Variants in PTPRT observed in about 807,000 individuals in gnomAD.
PTPRT encodes the protein receptor-type tyrosine-protein phosphatase T.
In PTPRT, 56 loss-of-function variants were observed where a neutral mutation model predicts 176.8. The ratio of observed to expected loss-of-function variants is 0.32; its 90% confidence interval spans 0.26 to 0.40. The LOEUF (loss-of-function observed/expected upper bound fraction) is 0.40, where lower values mean the gene tolerates loss of function less well. Ranked by LOEUF, PTPRT falls within the 10% of genes least tolerant of loss-of-function variation. The probability of loss-of-function intolerance (pLI) is 1.00; values close to 1 mark genes in which losing one functional copy is unlikely to be tolerated. For missense variants in PTPRT, 1,540 were observed against 1,908.2 expected, an observed-to-expected ratio of 0.81 and a Z score of 3.60; for synonymous variants, 783 against 739.0, an observed-to-expected ratio of 1.06 and a Z score of -0.96.
chr20:42,540,102 T>C (rs943999441), intron 7 of PTPRT, among the ~76,000 whole-genome samples: 15 of 152,216 alleles, frequency 9.9e-5, no homozygotes, highest in African/African-American at 3.6e-4. Context: ...TTAAGGTAGA[T>C]AATGGAGCAA....
chr20:42,838,722 G>A (rs2078224352), intron 2 of PTPRT, among the ~76,000 whole-genome samples: 1 of 152,178 alleles, frequency 6.6e-6, no homozygotes. Flanking sequence ...TCTCTGTGGA[G>A]GGTATCTCCC....
At chr20:42,574,653 G>T (rs1392305356) in intron 7 of PTPRT, among the ~76,000 whole-genome samples, 1 of 152,128 alleles carries the variant, frequency 6.6e-6, no homozygotes, top group Non-Finnish European at 1.5e-5. Flanking sequence ...AAGGCTTCTA[G>T]GGCTTCAGCA....
At chr20:42,104,835 A>G (rs1324541937) in intron 24 of PTPRT, 117 bp from the exon 25 acceptor site, 1 of 1,149,542 alleles carries the variant, frequency 8.7e-7, no homozygotes, top group Non-Finnish European at 1.2e-6. Flanking sequence ...AATATATTAC[A>G]GGATCCTTAC....
chr20:43,070,266 C>T (rs1297630941), intron 1 of PTPRT, among the ~76,000 whole-genome samples: 1 of 152,082 alleles, frequency 6.6e-6, no homozygotes, highest in Non-Finnish European at 1.5e-5. Flanking sequence ...AAATCAAAAC[C>T]ACAATGAGAT....
At chr20:42,269,470 C>T (rs1814380282) in intron 13 of PTPRT, among the ~76,000 whole-genome samples, 1 of 152,180 alleles carries the variant, frequency 6.6e-6, no homozygotes, top group South Asian at 2.1e-4. Flanking sequence ...AGAAACTTCC[C>T]ATTGACTAAA....
rs560668161 is a variant in PTPRT at position 43,006,978 on chromosome 20, C to T, written c.89-121046G>A. ...ACAAAAACAGTATCTTGTTCTAATTCGAGGGGACCCACCTTCATACATCAG... is the reference window on the plus strand; with the variant it reads ...ACAAAAACAGTATCTTGTTCTAATTTGAGGGGACCCACCTTCATACATCAG... On this transcript the variant is annotated intron_variant, in intron 1 of 30. Transcript: ENST00000373187. 1.3e-4 allele frequency among the ~76,000 whole-genome samples: 20 copies of T among 152,266 alleles called. No individual in the cohort carries two copies. In the South Asian group the frequency reaches 2.9e-3, roughly 22 times the overall value.
At chr20:42,984,802 C>T (rs1402734320) in intron 1 of PTPRT, among the ~76,000 whole-genome samples, 2 of 152,172 alleles carry the variant, frequency 1.3e-5, no homozygotes, top group Non-Finnish European at 2.9e-5. Context: ...TTGTATGATG[C>T]CAGTCATAAG....
At chr20:42,566,727 A>G (rs943712108) in intron 7 of PTPRT, among the ~76,000 whole-genome samples, 4 of 152,204 alleles carry the variant, frequency 2.6e-5, no homozygotes, top group African/African-American at 4.8e-5. Context: ...TGCCAATCCA[A>G]CATACCACAC....
intron 7 of PTPRT, among the ~76,000 whole-genome samples, chr20:42,611,180 T>G (rs935686481): frequency 6.6e-6 from 1 of 152,220 alleles, no homozygotes; most frequent in Non-Finnish European, 1.5e-5. Flanking sequence ...ATCTTGGATA[T>G]GGACTTAGCA....
At chr20:42,223,966 T>C (rs2146802400) in intron 15 of PTPRT, among the ~76,000 whole-genome samples, 1 of 152,324 alleles carries the variant, frequency 6.6e-6, no homozygotes, top group Admixed American at 6.5e-5. Context: ...AAGTCTTTCA[T>C]TAAAAACAGG....
intron 7 of PTPRT, among the ~76,000 whole-genome samples, chr20:42,583,753 T>C (rs2073421672): frequency 6.6e-6 from 1 of 152,244 alleles, no homozygotes; most frequent in Non-Finnish European, 1.5e-5. Context: ...ATTATGTGAA[T>C]GTAAACCTAT....
intron 7 of PTPRT, among the ~76,000 whole-genome samples, chr20:42,657,877 T>C (rs780490491): frequency 7.9e-5 from 12 of 152,090 alleles, no homozygotes; most frequent in African/African-American, 1.7e-4. Context: ...TCTTCATTAA[T>C]GAATTAAATG....
intron 7 of PTPRT, among the ~76,000 whole-genome samples, chr20:42,592,002 T>C (rs910873333): frequency 1.6e-5 from 2 of 125,224 alleles, no homozygotes; most frequent in African/African-American, 3.2e-5. Context: ...TTTTTTGACA[T>C]GGAGTCTCAC....
chr20:42,463,273 T>C (rs983752920), intron 8 of PTPRT, among the ~76,000 whole-genome samples: 19 of 152,206 alleles, frequency 1.2e-4, no homozygotes, highest in Non-Finnish European at 2.9e-5. Context: ...CATTCCTTTT[T>C]CTTTGTAATT....
intron 11 of PTPRT, among the ~76,000 whole-genome samples, chr20:42,328,700 T>C (rs1254048476): frequency 6.6e-6 from 1 of 151,594 alleles, no homozygotes; most frequent in Non-Finnish European, 1.5e-5. Context: ...ACATTATACG[T>C]AAGAGAAATT....
chr20:42,581,737 TTAAG>T (rs1389806446), intron 7 of PTPRT, among the ~76,000 whole-genome samples: 4 of 152,066 alleles, frequency 2.6e-5, no homozygotes, highest in African/African-American at 9.7e-5. Context: ...TGCATTGCCT[TTAAG>T]TAGGAAAAGG....
intron 5 of PTPRT, among the ~76,000 whole-genome samples, chr20:42,768,386 T>C (rs1280346705): frequency 6.6e-6 from 1 of 152,186 alleles, no homozygotes; most frequent in Non-Finnish European, 1.5e-5. Flanking sequence ...TGAAACTCAC[T>C]TGTGTGCCCT....
chr20:42,223,510 T>G (rs553954209), intron 15 of PTPRT, among the ~76,000 whole-genome samples: 13 of 152,300 alleles, frequency 8.5e-5, no homozygotes, highest in Non-Finnish European at 1.6e-4. Flanking sequence ...TTTAACGCCC[T>G]TAAGGAATGA....
At chr20:42,945,373 C>T (rs1332629397) in intron 1 of PTPRT, among the ~76,000 whole-genome samples, 1 of 152,130 alleles carries the variant, frequency 6.6e-6, no homozygotes, top group Non-Finnish European at 1.5e-5. Context: ...TATCTCTGTT[C>T]TGGAACTAAA....
Sources: allele counts gnomAD v4.1 joint callset (sites outside exome capture counted in the v4.1 genomes callset), GRCh38; gene constraint gnomAD v4.1.1; transcripts MANE v1.5; gene names NCBI Gene and HGNC (gene_info 2026-07-23, HGNC 2026-07-21).